The following HS6ST3 variants were observed in gnomAD, a reference collection of about 807,000 sequenced individuals.
HS6ST3 encodes heparan sulfate 6-O-sulfotransferase 3.
Under a neutral mutation model 36.7 loss-of-function variants are expected in HS6ST3, and 12 were observed. The ratio of observed to expected loss-of-function variants is 0.33; its 90% CI spans 0.21 to 0.53. The LOEUF (loss-of-function observed/expected upper bound fraction) is 0.53. Ranked by LOEUF, HS6ST3 falls within the 20% of genes least tolerant of loss-of-function variation. The pLI is 0.95. For synonymous variants in HS6ST3, 240 were observed against 257.5 expected (o/e 0.93, Z 0.65); for missense variants, 584 against 640.9 (o/e 0.91, Z 0.96).
chr13:96,341,630 G>T (rs1230361603), intron 1 of HS6ST3, among the ~76,000 whole-genome samples: 2 of 152,130 alleles, frequency 1.3e-5, no homozygotes, highest in Non-Finnish European at 2.9e-5. Context: ...ACTACCTGGG[G>T]TGTCCACTTA....
intron 1 of HS6ST3, among the ~76,000 whole-genome samples, chr13:96,221,693 C>G (rs146769556): frequency 2.0e-5 from 3 of 152,184 alleles, no homozygotes; most frequent in African/African-American, 7.2e-5. Flanking sequence ...TAGGAGCTGG[C>G]TGCAAAAATC....
intron 1 of HS6ST3, among the ~76,000 whole-genome samples, chr13:96,111,137 A>G (rs2053866576): frequency 1.3e-5 from 2 of 152,226 alleles, no homozygotes; most frequent in Non-Finnish European, 2.9e-5. Context: ...ATGTTCTGTA[A>G]TGCTTTCTTG....
intron 1 of HS6ST3, among the ~76,000 whole-genome samples, chr13:96,485,264 A>G (rs1300644545): frequency 2.6e-5 from 4 of 152,094 alleles, no homozygotes; most frequent in Non-Finnish European, 5.9e-5. Context: ...AGTTTCTTTC[A>G]TAGGAGGTTT....
chr13:96,599,585 A>C (rs559549877), intron 1 of HS6ST3, among the ~76,000 whole-genome samples: 1 of 151,170 alleles, frequency 6.6e-6, no homozygotes, highest in African/African-American at 2.4e-5. Flanking sequence ...CAAATAATCA[A>C]CTTTTTGTTT....
chr13:96,783,750 G>C (rs1877578073), intron 1 of HS6ST3, among the ~76,000 whole-genome samples: 2 of 151,966 alleles, frequency 1.3e-5, no homozygotes, highest in Admixed American at 6.6e-5. Flanking sequence ...AGGACTCTTA[G>C]ATAGGAAGAT....
intron 1 of HS6ST3, among the ~76,000 whole-genome samples, chr13:96,700,422 C>G (rs557219711): frequency 2.1e-4 from 32 of 152,276 alleles, no homozygotes; most frequent in African/African-American, 7.0e-4. Flanking sequence ...AGCTACAATT[C>G]AAGATGAGAT....
chr13:96,786,478 G>C (rs1045128046), intron 1 of HS6ST3, among the ~76,000 whole-genome samples: 4 of 152,080 alleles, frequency 2.6e-5, no homozygotes, highest in Admixed American at 1.3e-4. Context: ...CCTGGCACGT[G>C]GTAGGTGTAC....
intron 1 of HS6ST3, among the ~76,000 whole-genome samples, chr13:96,513,122 A>C (rs2056057427): frequency 6.6e-6 from 1 of 152,114 alleles, no homozygotes; most frequent in South Asian, 2.1e-4. Flanking sequence ...TGCTTTGGAT[A>C]AATCTGAGAT....
rs78732760 is a variant in HS6ST3 at position 96,100,891 on chromosome 13, G to C, written c.707+9322G>C. ...TAATTCAGTTTATGGATGCCCTGTT[G>C]TGTTCTACAAATGAGACCAAGATCG... On this transcript the variant is annotated intron_variant, in intron 1 of 1. Coordinates refer to ENST00000376705, the MANE Select transcript of HS6ST3 (RefSeq NM_153456.4). Among the ~76,000 whole-genome samples the C allele has an allele frequency of 1.2e-4, 19 of 152,304 alleles. 1 individual carries two copies. The East Asian group carries it at 3.7e-3, about 29-fold the overall frequency.
intron 1 of HS6ST3, among the ~76,000 whole-genome samples, chr13:96,813,056 A>C (rs74110223): frequency 1.6e-3 from 247 of 152,252 alleles, no homozygotes; most frequent in African/African-American, 5.7e-3. Context: ...CTCTAATCCT[A>C]TCTCTCATCT....
intron 1 of HS6ST3, among the ~76,000 whole-genome samples, chr13:96,147,625 A>G (rs1382932771): frequency 6.6e-6 from 1 of 152,150 alleles, no homozygotes; most frequent in Non-Finnish European, 1.5e-5. Flanking sequence ...GTGAATTGGC[A>G]TGTCTACACA....
In HS6ST3 at chr13:96,658,296, T is replaced by TTTTTTTTTC. The variant is rs1467303957; in HGVS notation, c.708-174192_708-174191insTTTTTTCTT. On this transcript the variant is annotated intron_variant, in intron 1 of 1. Coordinates refer to ENST00000376705, the MANE Select transcript of HS6ST3 (RefSeq NM_153456.4). ...TTTTTTTTTTTTTTTTTTTTTTTTT[T>TTTTTTTTTC]TTGAGATGGCGTCTCACTCTGTTAC... is the stretch of plus-strand genomic sequence containing the variant. Among the ~76,000 whole-genome samples the TTTTTTTTTC allele has an allele frequency of 5.8e-4, 51 of 87,424 alleles. 1 individual carries two copies. The highest frequency in any genetic ancestry group is 1.7e-3 in the African/African-American group (41 of 24,812). 57.4% of individuals were successfully genotyped at this position (87,424 alleles called of 152,430 possible).
At chr13:96,132,870 T>C (rs1426366086) in intron 1 of HS6ST3, among the ~76,000 whole-genome samples, 1 of 152,218 alleles carries the variant, frequency 6.6e-6, no homozygotes. Flanking sequence ...TCCCTGACGA[T>C]TAGTAATGTG....
At chr13:96,225,053 G>C (rs2139364520) in intron 1 of HS6ST3, among the ~76,000 whole-genome samples, 2 of 152,316 alleles carry the variant, frequency 1.3e-5, no homozygotes, top group Middle Eastern at 3.4e-3. Flanking sequence ...GCAATTGAGA[G>C]AGTCCCTAAG....
intron 1 of HS6ST3, among the ~76,000 whole-genome samples, chr13:96,756,232 G>A (rs1876828905): frequency 6.6e-6 from 1 of 152,102 alleles, no homozygotes; most frequent in Non-Finnish European, 1.5e-5. Flanking sequence ...TAAGGATTTA[G>A]AAAAGTTGTT....
At chr13:96,412,139 G>C (rs1170387873) in intron 1 of HS6ST3, among the ~76,000 whole-genome samples, 2 of 152,048 alleles carry the variant, frequency 1.3e-5, no homozygotes, top group African/African-American at 4.8e-5. Context: ...CAAGTAGCTG[G>C]GACTACAGGC....
chr13:96,345,099 C>G (rs1229447505), intron 1 of HS6ST3, among the ~76,000 whole-genome samples: 1 of 152,146 alleles, frequency 6.6e-6, no homozygotes, highest in Non-Finnish European at 1.5e-5. Context: ...GAGAAACATC[C>G]TAGAATGAGG....
chr13:96,632,773 G>A (rs548162277), intron 1 of HS6ST3, among the ~76,000 whole-genome samples: 4 of 152,142 alleles, frequency 2.6e-5, no homozygotes, highest in African/African-American at 7.2e-5. Flanking sequence ...ATTTCTTTTC[G>A]TTGTTAGCAT....
chr13:96,580,104 C>G (rs1387176735), intron 1 of HS6ST3, among the ~76,000 whole-genome samples: 2 of 151,376 alleles, frequency 1.3e-5, no homozygotes, highest in East Asian at 3.9e-4. Flanking sequence ...CAAAATCCCT[C>G]TAAACTGCCT....
Sources: allele counts gnomAD v4.1 joint callset (sites outside exome capture counted in the v4.1 genomes callset), GRCh38; gene constraint gnomAD v4.1.1; transcripts MANE v1.5; gene names NCBI Gene and HGNC (gene_info 2026-07-23, HGNC 2026-07-21).